Variants in PHIP observed in about 807,000 individuals in gnomAD.
The protein encoded by PHIP is PH-interacting protein.
A neutral mutation model predicts 236.8 loss-of-function variants in PHIP; 54 were observed. The observed-to-expected ratio is 0.23, with a 90% CI of 0.18 to 0.29. PHIP has a LOEUF of 0.29. PHIP is among the 10% of genes least tolerant of loss of function. The pLI is 1.00. For synonymous variants in PHIP, 756 were observed against 718.9 expected, an observed-to-expected ratio of 1.05 and a Z score of -0.83; for missense variants, 1,370 against 2,190.8, an observed-to-expected ratio of 0.63 and a Z score of 7.48.
intron 4 of PHIP, among the ~76,000 whole-genome samples, chr6:79,068,627 C>T (rs1185855243): frequency 6.6e-6 from 1 of 152,160 alleles, no homozygotes; most frequent in Non-Finnish European, 1.5e-5. Context: ...GGAAAGTAGT[C>T]ATAAATTATT....
intron 24 of PHIP, among the ~76,000 whole-genome samples, chr6:78,975,777 G>A (rs1768009232): frequency 6.6e-6 from 1 of 151,658 alleles, no homozygotes; most frequent in Admixed American, 6.6e-5. Flanking sequence ...ATTCACAATT[G>A]CTTCAAAGAG....
chr6:79,073,009 C>A (rs1187598804), intron 4 of PHIP, among the ~76,000 whole-genome samples: 2 of 152,128 alleles, frequency 1.3e-5, no homozygotes, highest in East Asian at 3.9e-4. Context: ...CTATTATTAG[C>A]CCATTTTACA....
intron 4 of PHIP, 54 bp downstream of exon 4, chr6:79,077,394 A>G: frequency 6.7e-7 from 1 of 1,483,152 alleles, no homozygotes; most frequent in Non-Finnish European, 9.3e-7. Context: ...GGGAAATTCA[A>G]TTTTTATTCG....
chr6:79,077,793 CT>C, intron 2 of PHIP, 61 bp downstream of exon 2: 1 of 1,006,132 alleles, frequency 9.9e-7, no homozygotes, highest in Non-Finnish European at 1.2e-6. Flanking sequence ...CCGCCGCCGC[CT>C]CCCTCCCCCA....
Position 78,941,327 on chromosome 6 carries a change from T to A in PHIP, c.4832A>T (p.Asp1611Val). ...TGGTACAAGAGCGTTGTTCTTACAA[T>A]CTCCTAAAAGGGAACAACAGTACAC... ...SKSSAVIEQG[D>V]CKNNALVPGT... The change falls in exon 40 of 40, where the codon GAT becomes GTT. Residue 1611 changes from aspartate (D) to valine (V), a missense_variant. Around this residue, in one of 14 missense-constraint regions of PHIP, gnomAD observed 309 missense variants for 328.3 expected, o/e 0.94. Transcript: ENST00000275034. 1 of 1,611,850 alleles carries A rather than the reference T, an allele frequency of 6.2e-7. No homozygotes were observed. Among genetic ancestry groups the A allele is most frequent in the Non-Finnish European group, 8.5e-7 (1 of 1,178,808 alleles).
intron 23 of PHIP, among the ~76,000 whole-genome samples, chr6:78,979,934 C>T (rs1177548886): frequency 6.6e-6 from 1 of 151,882 alleles, no homozygotes; most frequent in Non-Finnish European, 1.5e-5. Context: ...CCTCTTTTTC[C>T]TATTAGCCAC....
At chr6:79,060,642 T>C in intron 5 of PHIP, 26 bp downstream of exon 5, 1 of 1,609,990 alleles carries the variant, frequency 6.2e-7, no homozygotes, top group Non-Finnish European at 8.5e-7. Flanking sequence ...AAATAATGTC[T>C]AAATCCTATG....
intron 6 of PHIP, among the ~76,000 whole-genome samples, chr6:79,045,502 C>A (rs1010125637): frequency 1.3e-5 from 2 of 152,014 alleles, no homozygotes; most frequent in Non-Finnish European, 2.9e-5. Context: ...ATTTCTCAAA[C>A]TTGAGTATAG....
intron 7 of PHIP, among the ~76,000 whole-genome samples, chr6:79,042,563 T>C (rs1283538133): frequency 6.6e-6 from 1 of 152,054 alleles, no homozygotes; most frequent in Non-Finnish European, 1.5e-5. Flanking sequence ...TTTTGCAAAA[T>C]GTCAAACTGT....
intron 21 of PHIP, 87 bp from the exon 22 acceptor site, chr6:78,985,515 T>G: frequency 1.3e-6 from 1 of 788,644 alleles, no homozygotes; most frequent in Middle Eastern, 2.3e-4. Context: ...TATCTTATAA[T>G]ATCAGTCATA....
At chr6:79,051,864 A>G (rs1286427262) in intron 6 of PHIP, among the ~76,000 whole-genome samples, 2 of 152,198 alleles carry the variant, frequency 1.3e-5, no homozygotes, top group African/African-American at 4.8e-5. Flanking sequence ...AAATGTTTAC[A>G]GTTGTTTTAA....
At chr6:78,973,780 G>C (rs564038587) in intron 24 of PHIP, among the ~76,000 whole-genome samples, 9 of 151,896 alleles carry the variant, frequency 5.9e-5, no homozygotes, top group African/African-American at 2.2e-4. Context: ...AGACAAAGAA[G>C]GCCATTACAT....
intron 6 of PHIP, among the ~76,000 whole-genome samples, chr6:79,045,213 A>T (rs1457730236): frequency 1.3e-5 from 2 of 152,172 alleles, no homozygotes; most frequent in Non-Finnish European, 2.9e-5. Flanking sequence ...ACATACAGAA[A>T]GAACATACGT....
intron 7 of PHIP, among the ~76,000 whole-genome samples, chr6:79,037,561 A>G (rs1434121226): frequency 6.6e-6 from 1 of 152,170 alleles, no homozygotes; most frequent in Non-Finnish European, 1.5e-5. Flanking sequence ...TTTATCTGCT[A>G]ATTAAAAAAT....
At chr6:78,957,363 A>C (rs1325452250) in intron 32 of PHIP, 1 of 151,986 alleles carries the variant, frequency 6.6e-6, no homozygotes, top group Admixed American at 6.5e-5. Flanking sequence ...AATTTCAATA[A>C]GGAAAACAAA....
chr6:79,055,422 T>C (rs750272102), intron 6 of PHIP, among the ~76,000 whole-genome samples: 8 of 152,138 alleles, frequency 5.3e-5, no homozygotes, highest in Admixed American at 1.3e-4. Context: ...ATAAACTATA[T>C]CTGAAAACAG....
At chr6:79,016,271 G>C (rs1276660692) in intron 13 of PHIP, among the ~76,000 whole-genome samples, 2 of 151,806 alleles carry the variant, frequency 1.3e-5, no homozygotes, top group African/African-American at 4.8e-5. Flanking sequence ...AACATAATAT[G>C]TTCTGGTTTC....
intron 7 of PHIP, among the ~76,000 whole-genome samples, chr6:79,042,095 G>C (rs1772248139): frequency 6.6e-6 from 1 of 151,958 alleles, no homozygotes; most frequent in South Asian, 2.1e-4. Flanking sequence ...CATACCTTCA[G>C]CCCACAGGGT....
chr6:78,956,196 C>T (rs1366469591), intron 32 of PHIP: 1 of 152,120 alleles, frequency 6.6e-6, no homozygotes, highest in African/African-American at 2.4e-5. Context: ...CCCCAGATAT[C>T]CTTGTTCCTT....
Sources: allele counts gnomAD v4.1 joint callset (sites outside exome capture counted in the v4.1 genomes callset), GRCh38; gene constraint gnomAD v4.1.1; regional missense constraint gnomAD v4.1.1; transcripts MANE v1.5; gene names NCBI Gene and HGNC (gene_info 2026-07-23, HGNC 2026-07-21).